The following ICE2 variants were observed in gnomAD, a reference collection of about 807,000 sequenced individuals.
The protein encoded by ICE2 is little elongation complex subunit 2.
In ICE2, 87 loss-of-function variants were observed where a neutral mutation model predicts 105.4. The observed-to-expected ratio is 0.83, with a 90% confidence interval of 0.69 to 0.99. The LOEUF is 0.99. ICE2 is among the 50% of genes least tolerant of loss of function. ICE2 has a pLI of 0.00. For synonymous variants in ICE2, 399 were observed against 392.0 expected (o/e 1.02, Z -0.21); for missense variants, 1,323 against 1,146.7 (o/e 1.15, Z -2.22).
intron 12 of ICE2, chr15:60,438,089 G>A (rs1342601617): frequency 2.0e-5 from 3 of 152,274 alleles, no homozygotes; most frequent in Admixed American, 1.3e-4. Context: ...CAGGTTGAGA[G>A]CTAACACCAA....
chr15:60,450,173 G>A (rs1366726140), intron 9 of ICE2, among the ~76,000 whole-genome samples: 1 of 152,128 alleles, frequency 6.6e-6, no homozygotes, highest in Non-Finnish European at 1.5e-5. Flanking sequence ...AGGGCCAAAC[G>A]GGAGGCAGAT....
chr15:60,423,475 T>C lies in ICE2; in HGVS notation c.*159A>G. On this transcript the variant is annotated 3_prime_UTR_variant, in exon 16 of 16. Coordinates refer to ENST00000261520, the MANE Select transcript of ICE2 (RefSeq NM_024611.6). ...TGAAAAGCATACCATTCCATTTTAG[T>C]TGAAATATTCCTTCACATAGCCAAC... 1 of 546,250 alleles carries C rather than the reference T, an allele frequency of 1.8e-6. No individual in the cohort carries two copies. Among genetic ancestry groups the C allele is most frequent in the Non-Finnish European group, 3.1e-6 (1 of 324,050 alleles). The allele number at this position is 546,250 out of a possible 1,614,324, so 33.8% of individuals were successfully genotyped here. A position where few individuals can be genotyped will look rare whatever the true frequency, so the allele number is the denominator to read the frequency against.
Position 60,456,801 on chromosome 15 carries a change from A to G in ICE2, c.529-7T>C. 6.9e-7 allele frequency: 1 copy of G among 1,453,534 alleles called. No homozygotes were observed. The highest frequency in any genetic ancestry group is 9.2e-7 in the Non-Finnish European group (1 of 1,090,544). The allele number at this position is 1,453,534 out of a possible 1,614,324, so 90.0% of individuals were successfully genotyped here. A position where few individuals can be genotyped will look rare whatever the true frequency, so the allele number is the denominator to read the frequency against. ...TGCAAGCTCTTAAAATTTTCTGAGA[A>G]ACAGAAATTAAGAAAAATTCATTTG... On this transcript the variant is annotated splice_region_variant and splice_polypyrimidine_tract_variant and intron_variant, in intron 5 of 15. Coordinates refer to ENST00000261520, the MANE Select transcript of ICE2 (RefSeq NM_024611.6).
At position 60,426,573 on chromosome 15, in the gene ICE2, T is replaced by A. The variant is rs577752082; in HGVS notation, c.2820+1856A>T. Among the ~76,000 whole-genome samples, 734 of 152,238 alleles carry A rather than the reference T, an allele frequency of 4.8e-3. 2 individuals are homozygous for A. The highest frequency in any genetic ancestry group is 0.011 in the Admixed American group (166 of 15,288). ...ACTAAAGCACATTCTAGACATTATT[T>A]AAAAAAAATCAAATCATTAAAGTAT... On this transcript the variant is annotated intron_variant, in intron 15 of 15. Transcript: ENST00000261520.
intron 5 of ICE2, among the ~76,000 whole-genome samples, chr15:60,457,115 T>C (rs1296250795): frequency 6.6e-6 from 1 of 152,146 alleles, no homozygotes; most frequent in Non-Finnish European, 1.5e-5. Context: ...AGCAGTTATA[T>C]GAATAATTAG....
At position 60,449,417 on chromosome 15, in the gene ICE2, T is replaced by A; in HGVS notation, c.1550A>T (p.Glu517Val). The A allele has an allele frequency of 3.7e-6, 6 of 1,613,884 alleles. No homozygotes were observed. Among genetic ancestry groups the A allele is most frequent in the Non-Finnish European group, 5.1e-6 (6 of 1,179,930 alleles). The change falls in exon 10 of 16, where the codon GAA becomes GTA. Residue 517 changes from glutamate (E) to valine (V), a missense_variant. Glu to Val is a moderately radical substitution (Grantham distance 121). Coordinates refer to ENST00000261520, the MANE Select transcript of ICE2 (RefSeq NM_024611.6). The part of the protein sequence containing the change: ...DLKTSDALQL[E>V]NSQEIETSNK... Reference sequence around the variant, plus strand: ...AGAAGTTTCAATTTCCTGAGAATTTTCTAACTGTAAGGCATCAGATGTTTT... The same window carrying A: ...AGAAGTTTCAATTTCCTGAGAATTTACTAACTGTAAGGCATCAGATGTTTT...
At chr15:60,450,676 A>T (rs564760497) in intron 9 of ICE2, among the ~76,000 whole-genome samples, 6 of 152,176 alleles carry the variant, frequency 3.9e-5, no homozygotes, top group Non-Finnish European at 8.8e-5. Context: ...AGAAAGATCA[A>T]CTCGTGTAAG....
At position 60,449,323 on chromosome 15, in the gene ICE2, T is replaced by C; in HGVS notation, c.1644A>G (p.Leu548=). ...DGERPNVLEN[L]DNSKEKTVGS... ...CAACAGTCTTTTCCTTTGAGTTGTCTAGGTTTTCTAGAACATTAGGTCTTT... is the reference window on the plus strand; with the variant it reads ...CAACAGTCTTTTCCTTTGAGTTGTCCAGGTTTTCTAGAACATTAGGTCTTT... The change falls in exon 10 of 16, where the codon CTA becomes CTG. Residue 548 remains leucine (L), a synonymous_variant. Transcript: ENST00000261520. 3 of 1,613,176 alleles carry C rather than the reference T, an allele frequency of 1.9e-6. No homozygotes were observed. Among genetic ancestry groups the C allele is most frequent in the Non-Finnish European group, 1.7e-6 (2 of 1,180,008 alleles).
rs878984878 is a variant in ICE2, at chr15:60,421,972, C to T, written c.*1662G>A. ...TTGAGGAGATTTTTCGGTCTAATTT[C>T]TCAGAAATTAGGCCAAAAGAATAGC... On this transcript the variant is annotated 3_prime_UTR_variant, in exon 16 of 16. Transcript: ENST00000261520. 2 of 148,070 alleles carry T rather than the reference C, an allele frequency of 1.4e-5. No individual in the cohort carries two copies. Among genetic ancestry groups the T allele is most frequent in the South Asian group, 4.5e-4 (2 of 4,454 alleles). The allele number at this position is 148,070 out of a possible 1,614,324, so 9.2% of individuals were successfully genotyped here.
chr15:60,474,404 C>G (rs1347622188), intron 3 of ICE2, among the ~76,000 whole-genome samples: 3 of 152,036 alleles, frequency 2.0e-5, no homozygotes, highest in Non-Finnish European at 2.9e-5. Flanking sequence ...CTGTTTCTAA[C>G]AGTAAAGGAA....
rs574175602 is a variant in ICE2, at chr15:60,453,259, G to A, written c.1125+344C>T. ...AAAAATAAAACTCTTGAATATGAAT[G>A]AGACCAATTAAACAAAACCTCATAT... On this transcript the variant is annotated intron_variant, in intron 9 of 15. Coordinates refer to ENST00000261520, the MANE Select transcript of ICE2 (RefSeq NM_024611.6). 1.1e-5 allele frequency: 11 copies of A among 1,027,828 alleles called. No individual in the cohort carries two copies. In the East Asian group the frequency reaches 9.6e-4, roughly 89 times the overall value. The allele number at this position is 1,027,828 out of a possible 1,614,324, so 63.7% of individuals were successfully genotyped here.
chr15:60,428,313 G>A, intron 15 of ICE2, 116 bp downstream of exon 15: 2 of 1,139,102 alleles, frequency 1.8e-6, no homozygotes, highest in South Asian at 1.5e-5. Flanking sequence ...ATAGCTTTTA[G>A]AATGGTGCTG....
chr15:60,437,598 G>A (rs184474250), intron 12 of ICE2, among the ~76,000 whole-genome samples: 92 of 151,972 alleles, frequency 6.1e-4, no homozygotes, highest in African/African-American at 2.1e-3. Context: ...CTCCCAAAGT[G>A]CTGAGATTAC....
chr15:60,421,671 TAAA>T lies in ICE2; in HGVS notation c.*1960_*1962del, dbSNP rs1463295512. 3 of 151,984 alleles carry T rather than the reference TAAA, an allele frequency of 2.0e-5. No individual in the cohort carries two copies. The highest frequency in any genetic ancestry group is 4.4e-5 in the Non-Finnish European group (3 of 68,006). 9.4% of individuals were successfully genotyped at this position (151,984 alleles called of 1,614,324 possible). A position where few individuals can be genotyped will look rare whatever the true frequency, so the allele number is the denominator to read the frequency against. On this transcript the variant is annotated 3_prime_UTR_variant, in exon 16 of 16. Transcript: ENST00000261520. The stretch of plus-strand genomic sequence containing the variant: ...ACACAAATGTACATTAAAAATAAAA[TAAA>T]AAAGTGTAAGAGTACATTTCAAGGG...
chr15:60,428,781 A>C, intron 14 of ICE2, 94 bp from the exon 15 acceptor site: 1 of 1,307,550 alleles, frequency 7.6e-7, no homozygotes, highest in Non-Finnish European at 1.1e-6. Flanking sequence ...ATTGAAAATT[A>C]TGAGAAGATC....
Position 60,420,536 on chromosome 15 carries a change from A to C in ICE2, c.*3098T>G, listed in dbSNP as rs2063232860. The C allele has an allele frequency of 6.6e-6, 1 of 152,250 alleles. No individual in the cohort carries two copies. Among genetic ancestry groups the C allele is most frequent in the Non-Finnish European group, 1.5e-5 (1 of 68,068 alleles). 9.4% of individuals were successfully genotyped at this position (152,250 alleles called of 1,614,324 possible). A position where few individuals can be genotyped will look rare whatever the true frequency, so the allele number is the denominator to read the frequency against. The stretch of plus-strand genomic sequence containing the variant: ...ACTGGTTCCCACATTGCACAGGACA[A>C]AGTTCAAATGTCTTAGCACAGTGTT... On this transcript the variant is annotated 3_prime_UTR_variant, in exon 16 of 16. Coordinates refer to ENST00000261520, the MANE Select transcript of ICE2 (RefSeq NM_024611.6).
At chr15:60,425,139 C>A (rs1340738610) in intron 15 of ICE2, among the ~76,000 whole-genome samples, 2 of 152,176 alleles carry the variant, frequency 1.3e-5, no homozygotes, top group Non-Finnish European at 2.9e-5. Flanking sequence ...AGCTCGGACT[C>A]TGGCTTCCTT....
rs548465476 is a variant in ICE2 at position 60,476,077 on chromosome 15, A to C, written c.132T>G (p.Arg44=). The C allele has an allele frequency of 2.5e-6, 4 of 1,597,766 alleles. No individual in the cohort carries two copies. In the African/African-American group the frequency reaches 5.4e-5, roughly 22 times the overall value. The change falls in exon 3 of 16, where the codon CGT becomes CGG. Residue 44 remains arginine, a synonymous_variant. Coordinates refer to ENST00000261520, the MANE Select transcript of ICE2 (RefSeq NM_024611.6). ...HSMAPSLKEL[R]VLSNRRIGEN... ...AAACATATTACCTGTTGGATAAAACACGTAGTTCTTTTAAACTTGGAGCCA... is the reference window on the plus strand; with the variant it reads ...AAACATATTACCTGTTGGATAAAACCCGTAGTTCTTTTAAACTTGGAGCCA...
intron 11 of ICE2, 141 bp downstream of exon 11, chr15:60,447,828 TA>T: frequency 1.5e-6 from 1 of 653,344 alleles, no homozygotes; most frequent in Non-Finnish European, 2.6e-6. Context: ...AGCATTTTAG[TA>T]AAAACAAAAA....
Sources: gnomAD v4.1 joint callset for allele counts (sites outside exome capture counted in the v4.1 genomes callset) on GRCh38, gnomAD v4.1.1 for gene constraint, MANE v1.5 for transcripts, NCBI Gene and HGNC (gene_info 2026-07-23, HGNC 2026-07-21) for gene names.